The following CHLSN variants were observed in gnomAD, a reference collection of about 807,000 sequenced individuals.
CHLSN encodes protein cholesin.
the CHLSN span, among the ~76,000 whole-genome samples, chr7:1,104,753 G>A: frequency 3.9e-5 from 6 of 152,200 alleles, no homozygotes; most frequent in African/African-American, 1.4e-4. Context: ...TGGGAAATCT[G>A]CTCATACCAC....
the CHLSN span, among the ~76,000 whole-genome samples, chr7:1,050,893 C>A: frequency 1.5e-4 from 23 of 152,216 alleles, no homozygotes; most frequent in Non-Finnish European, 2.5e-4. Context: ...AGAAACTCTA[C>A]CCCTGTCCTT....
the CHLSN span, chr7:985,397 C>T: frequency 1.4e-6 from 2 of 1,479,392 alleles, no homozygotes; most frequent in Admixed American, 4.2e-5. Flanking sequence ...GGACGGGGGC[C>T]CCAGTGCTGT....
At chr7:1,022,415 C>G in the CHLSN span, among the ~76,000 whole-genome samples, 4 of 152,228 alleles carry the variant, frequency 2.6e-5, no homozygotes, top group African/African-American at 4.8e-5. Context: ...GATTTGTCAC[C>G]TCAATTATTA....
the CHLSN span, among the ~76,000 whole-genome samples, chr7:1,042,671 G>A: frequency 2.6e-5 from 4 of 152,156 alleles, no homozygotes; most frequent in Non-Finnish European, 5.9e-5. Context: ...TGGCTCAGAG[G>A]AAGCTAACCT....
chr7:1,065,945 G>T, the CHLSN span, among the ~76,000 whole-genome samples: 1 of 152,230 alleles, frequency 6.6e-6, no homozygotes, highest in Non-Finnish European at 1.5e-5. Context: ...CCCTCCAGTG[G>T]CCGTCGGGGT....
the CHLSN span, among the ~76,000 whole-genome samples, chr7:1,114,754 G>A: frequency 6.6e-6 from 1 of 152,266 alleles, no homozygotes; most frequent in Non-Finnish European, 1.5e-5. Context: ...GGGTGAGCCA[G>A]GGCTCAGAAA....
the CHLSN span, among the ~76,000 whole-genome samples, chr7:1,120,749 G>C: frequency 1.3e-5 from 2 of 152,332 alleles, no homozygotes; most frequent in East Asian, 3.9e-4. Context: ...CTAGTAAACG[G>C]GTGAGAGAAT....
chr7:1,041,353 AGGGGGC>A, the CHLSN span, among the ~76,000 whole-genome samples: 1 of 108,528 alleles, frequency 9.2e-6, no homozygotes, highest in African/African-American at 4.7e-5. Flanking sequence ...GCTGCGGGGA[AGGGGGC>A]CTGGGGTCCG....
the CHLSN span, among the ~76,000 whole-genome samples, chr7:1,100,753 CAG>C: frequency 6.6e-6 from 1 of 151,960 alleles, no homozygotes; most frequent in African/African-American, 2.4e-5. Context: ...CCGGCCTCCA[CAG>C]GGGCTTCTTG....
the CHLSN span, among the ~76,000 whole-genome samples, chr7:1,039,762 C>T: frequency 1.5e-5 from 1 of 65,294 alleles, no homozygotes; most frequent in African/African-American, 1.0e-4. Flanking sequence ...ATTGAGAAAT[C>T]GGATGGTTGC....
At chr7:1,100,523 C>T in the CHLSN span, among the ~76,000 whole-genome samples, 3 of 152,222 alleles carry the variant, frequency 2.0e-5, no homozygotes, top group African/African-American at 7.2e-5. Flanking sequence ...TCCACCTCAC[C>T]AAGCGGCGTC....
the CHLSN span, among the ~76,000 whole-genome samples, chr7:1,107,040 A>G: frequency 2.7e-3 from 417 of 152,344 alleles, 3 homozygotes; most frequent in African/African-American, 8.7e-3. Context: ...CCCGCCCAGC[A>G]TCAGCTCTGC....
chr7:1,136,644 A>T, the CHLSN span, among the ~76,000 whole-genome samples: 2 of 146,634 alleles, frequency 1.4e-5, no homozygotes, highest in Admixed American at 1.4e-4. Flanking sequence ...ATATATGCGG[A>T]TGTGTGTATA....
At chr7:1,066,015 G>C in the CHLSN span, among the ~76,000 whole-genome samples, 22 of 152,240 alleles carry the variant, frequency 1.4e-4, no homozygotes, top group Non-Finnish European at 2.9e-4. Flanking sequence ...CAGAGCGCCT[G>C]GACCAGAGGG....
chr7:989,363 A>G, the CHLSN span: 409 of 156,924 alleles, frequency 2.6e-3, 2 homozygotes, highest in African/African-American at 9.1e-3. Flanking sequence ...GGCCATGCGT[A>G]TGACTGGTGC....
At chr7:1,010,436 G>A in the CHLSN span, among the ~76,000 whole-genome samples, 3 of 152,202 alleles carry the variant, frequency 2.0e-5, no homozygotes, top group Admixed American at 1.3e-4. Flanking sequence ...CCCGGCTCCC[G>A]AGGCTCTGTG....
chr7:1,014,214 A>T, the CHLSN span, among the ~76,000 whole-genome samples: 3 of 152,240 alleles, frequency 2.0e-5, no homozygotes, highest in East Asian at 1.9e-4. Flanking sequence ...AGCAAAGTGG[A>T]TCAGCTGCCA....
chr7:1,079,027 G>GGAGGCAGC, the CHLSN span, among the ~76,000 whole-genome samples: 1 of 150,924 alleles, frequency 6.6e-6, no homozygotes, highest in Non-Finnish European at 1.5e-5. Context: ...GGCCGGCTGA[G>GGAGGCAGC]GAGGCAGCGA....
the CHLSN span, among the ~76,000 whole-genome samples, chr7:1,032,621 C>T: frequency 6.7e-6 from 1 of 149,788 alleles, no homozygotes; most frequent in African/African-American, 2.4e-5. Flanking sequence ...CGCAGCCACC[C>T]GCCCACACCT....
Sources: gnomAD v4.1 joint callset for allele counts (sites outside exome capture counted in the v4.1 genomes callset) on GRCh38, gnomAD v4.1.1 for gene constraint, MANE v1.5 for transcripts, NCBI Gene and HGNC (gene_info 2026-07-23, HGNC 2026-07-21) for gene names.